MICU1: variants seen among roughly 807,000 people sequenced by gnomAD.
MICU1 encodes the protein calcium uptake protein 1, mitochondrial.
Under a neutral mutation model 56.8 loss-of-function variants are expected in MICU1, and 45 were observed. The ratio of observed to expected loss-of-function variants is 0.79; its 90% CI spans 0.62 to 1.02. The LOEUF is 1.02. MICU1 is among the 50% of genes least tolerant of loss of function. The pLI, the probability that MICU1 is intolerant of heterozygous loss-of-function variation, is 0.00. For synonymous variants in MICU1, 186 were observed against 195.1 expected (o/e 0.95, Z 0.39); for missense variants, 504 against 587.1 (o/e 0.86, Z 1.46).
rs182556055 is a variant in MICU1, at chr10:72,449,018, C to T, written c.934-25647G>A. 9.2e-5 allele frequency among the ~76,000 whole-genome samples: 14 copies of T among 152,266 alleles called. No individual in the cohort carries two copies. In the East Asian group the frequency reaches 1.9e-3, roughly 21 times the overall value. ...GGTGTTATCATGGCTCACGTAGCCTCGACCTCCTGGGCTCAAGCGATCTTC... is the reference window on the plus strand; with the variant it reads ...GGTGTTATCATGGCTCACGTAGCCTTGACCTCCTGGGCTCAAGCGATCTTC... On this transcript the variant is annotated intron_variant, in intron 8 of 11. Coordinates refer to ENST00000361114, the MANE Select transcript of MICU1 (RefSeq NM_001195518.2).
At chr10:72,606,593 TAAGA>T (rs1841698706) in intron 1 of MICU1, among the ~76,000 whole-genome samples, 1 of 151,820 alleles carries the variant, frequency 6.6e-6, no homozygotes, top group South Asian at 2.1e-4. Context: ...TGATTTATAA[TAAGA>T]AATATATATA....
chr10:72,384,171 T>C (rs1862813860), intron 10 of MICU1, among the ~76,000 whole-genome samples: 1 of 152,076 alleles, frequency 6.6e-6, no homozygotes, highest in African/African-American at 2.4e-5. Context: ...TTTTTGTATT[T>C]TTTTGTAGAG....
intron 1 of MICU1, among the ~76,000 whole-genome samples, chr10:72,578,335 G>C (rs1840805201): frequency 1.3e-5 from 2 of 151,708 alleles, no homozygotes; most frequent in African/African-American, 4.8e-5. Context: ...TTGGCTCACA[G>C]CAAACTCTGC....
At chr10:72,407,362 A>G (rs145027640) in intron 10 of MICU1, among the ~76,000 whole-genome samples, 1 of 152,314 alleles carries the variant, frequency 6.6e-6, no homozygotes, top group African/African-American at 2.4e-5. Flanking sequence ...TAATTATTTC[A>G]ACTGTTCTGA....
At position 72,408,307 on chromosome 10, in the gene MICU1, A is replaced by G. The variant is rs115320242; in HGVS notation, c.1072-270T>C. Among the ~76,000 whole-genome samples, 1,708 of 152,110 alleles carry G rather than the reference A, an allele frequency of 0.011. 34 individuals carry two copies. The highest frequency in any genetic ancestry group is 0.04 in the African/African-American group (1,650 of 41,504). On this transcript the variant is annotated intron_variant, in intron 9 of 11. Transcript: ENST00000361114. ...AGTGATGGCTGAATATCTTAATGAA[A>G]ATATTTCTTCTTTTTTTTTGAGATG...
intron 10 of MICU1, among the ~76,000 whole-genome samples, chr10:72,392,542 G>A (rs892062791): frequency 3.3e-5 from 5 of 152,198 alleles, no homozygotes; most frequent in Middle Eastern, 6.8e-3. Flanking sequence ...CTGCACTCCA[G>A]TCTGGGTGAC....
intron 8 of MICU1, among the ~76,000 whole-genome samples, chr10:72,439,367 C>A (rs906360510): frequency 6.6e-6 from 1 of 152,286 alleles, no homozygotes; most frequent in Admixed American, 6.5e-5. Context: ...AGGCTAAGAA[C>A]CCTCAATAAA....
At chr10:72,381,621 CCT>C (rs959610295) in intron 10 of MICU1, among the ~76,000 whole-genome samples, 22 of 152,074 alleles carry the variant, frequency 1.4e-4, no homozygotes, top group Non-Finnish European at 8.8e-5. Flanking sequence ...CCGCTGACCC[CCT>C]GTGTACTCAG....
intron 6 of MICU1, among the ~76,000 whole-genome samples, chr10:72,482,253 C>T (rs1866322717): frequency 1.3e-5 from 2 of 152,090 alleles, no homozygotes; most frequent in South Asian, 4.1e-4. Context: ...GAGTCATTTG[C>T]TGCCTTACAT....
intron 8 of MICU1, among the ~76,000 whole-genome samples, chr10:72,437,885 C>A (rs527479256): frequency 1.3e-5 from 2 of 152,268 alleles, no homozygotes; most frequent in Admixed American, 6.5e-5. Context: ...CAGGAGCACC[C>A]AGATTCATAA....
chr10:72,562,853 T>TA (rs1216727786), intron 3 of MICU1, 42 bp downstream of exon 3: 2 of 1,458,888 alleles, frequency 1.4e-6, no homozygotes, highest in Non-Finnish European at 1.8e-6. Flanking sequence ...TATTCTACTT[T>TA]AAGATATACT....
intron 1 of MICU1, among the ~76,000 whole-genome samples, chr10:72,585,638 G>A (rs1462398735): frequency 2.7e-5 from 4 of 149,584 alleles, no homozygotes; most frequent in Non-Finnish European, 3.0e-5. Context: ...CAGCCTGGGC[G>A]ACAGAGCAAG....
At chr10:72,569,237 A>ATATATATATATTTTTT in intron 1 of MICU1, among the ~76,000 whole-genome samples, 3 of 34,380 alleles carry the variant, frequency 8.7e-5, no homozygotes. Flanking sequence ...ATATATATAT[A>ATATATATATATTTTTT]TTTTTTTTTT....
intron 10 of MICU1, among the ~76,000 whole-genome samples, chr10:72,398,531 T>C (rs1487778007): frequency 6.7e-6 from 1 of 149,316 alleles, no homozygotes; most frequent in Non-Finnish European, 1.5e-5. Flanking sequence ...ATCAACAAAA[T>C]TGATAGACAG....
chr10:72,615,422 T>C (rs553539623), intron 1 of MICU1, among the ~76,000 whole-genome samples: 1 of 152,102 alleles, frequency 6.6e-6, no homozygotes, highest in South Asian at 2.1e-4. Flanking sequence ...CACAGCACAC[T>C]GTGCTGTGGT....
chr10:72,569,237 A>ATATATATATTTTT, intron 1 of MICU1, among the ~76,000 whole-genome samples: 2 of 34,390 alleles, frequency 5.8e-5, no homozygotes, highest in South Asian at 1.4e-3. Context: ...ATATATATAT[A>ATATATATATTTTT]TTTTTTTTTT....
chr10:72,553,382 C>T (rs1002149657), intron 3 of MICU1, among the ~76,000 whole-genome samples: 19 of 151,672 alleles, frequency 1.3e-4, no homozygotes, highest in African/African-American at 3.9e-4. Context: ...TACAGGTGCC[C>T]GCCACCACGC....
intron 10 of MICU1, among the ~76,000 whole-genome samples, chr10:72,392,915 G>C (rs545865762): frequency 3.9e-5 from 6 of 152,354 alleles, no homozygotes; most frequent in African/African-American, 1.4e-4. Context: ...GGAAGGATTT[G>C]GAAAGGCTAG....
intron 4 of MICU1, among the ~76,000 whole-genome samples, chr10:72,550,389 G>A (rs1422246890): frequency 6.6e-6 from 1 of 152,102 alleles, no homozygotes; most frequent in Non-Finnish European, 1.5e-5. Context: ...TTTGCATTAA[G>A]TACTCCATGA....
Sources: gnomAD v4.1 joint callset for allele counts (sites outside exome capture counted in the v4.1 genomes callset) on GRCh38, gnomAD v4.1.1 for gene constraint, MANE v1.5 for transcripts, NCBI Gene and HGNC (gene_info 2026-07-23, HGNC 2026-07-21) for gene names.